PPM1B: variants seen among roughly 807,000 people sequenced by gnomAD.
PPM1B encodes protein phosphatase, Mg2+/Mn2+ dependent 1B, also known as protein phosphatase 1B.
In PPM1B, 22 loss-of-function variants were observed where a neutral mutation model predicts 43.0. The ratio of observed to expected loss-of-function variants is 0.51; its 90% CI spans 0.37 to 0.73. The LOEUF is 0.73. PPM1B is among the 30% of genes least tolerant of loss of function. PPM1B has a pLI of 0.00. For synonymous variants in PPM1B, 217 were observed against 197.9 expected, an observed-to-expected ratio of 1.10 and a Z score of -0.81; for missense variants, 632 against 584.2, an observed-to-expected ratio of 1.08 and a Z score of -0.84.
chr2:44,218,786 T>G, intron 5 of PPM1B: 1 of 453,030 alleles, frequency 2.2e-6, no homozygotes, highest in South Asian at 1.9e-5. Flanking sequence ...GTTTGGGCTG[T>G]CTTTATTTCT....
intron 3 of PPM1B, among the ~76,000 whole-genome samples, chr2:44,214,803 G>T (rs780549056): frequency 5.3e-5 from 8 of 152,282 alleles, no homozygotes; most frequent in Non-Finnish European, 7.4e-5. Context: ...AGTTCTCCTA[G>T]TCAGAAAGAA....
rs370530416 is a variant in PPM1B at position 44,214,378 on chromosome 2, T to G, written c.965-3589T>G. 1.7e-3 allele frequency among the ~76,000 whole-genome samples: 259 copies of G among 151,294 alleles called. 1 individual carries two copies. The highest frequency in any genetic ancestry group is 5.9e-3 in the African/African-American group (244 of 41,128). On this transcript the variant is annotated intron_variant, in intron 3 of 5. Transcript: ENST00000282412. ...GCCACTGCGCCCGACCCCATAGAGT[T>G]TTTTTTTTTCTTAAATAAATTGTTA... is the stretch of plus-strand genomic sequence containing the variant.
intron 5 of PPM1B, among the ~76,000 whole-genome samples, chr2:44,223,295 A>G (rs1212169021): frequency 6.6e-6 from 1 of 152,150 alleles, no homozygotes; most frequent in African/African-American, 2.4e-5. Flanking sequence ...GAAAAACAGG[A>G]TAGATTAGTC....
chr2:44,236,402 C>CAAAAAAAAAAAAAAAAAAAAAAAAAAAAA (rs61414038), downstream of PPM1B, among the ~76,000 whole-genome samples: 6 of 47,554 alleles, frequency 1.3e-4, no homozygotes, highest in Non-Finnish European at 1.6e-4. Context: ...GACTCCGTCT[C>CAAAAAAAAAAAAAAAAAAAAAAAAAAAAA]AAAAAAAAAA....
chr2:44,238,193 G>T (rs1441061851), downstream of PPM1B, among the ~76,000 whole-genome samples: 1 of 151,696 alleles, frequency 6.6e-6, no homozygotes. Flanking sequence ...GTGACCCACC[G>T]CACCCAGCCT....
chr2:44,224,656 G>A (rs1670133921), intron 5 of PPM1B, among the ~76,000 whole-genome samples: 1 of 151,226 alleles, frequency 6.6e-6, no homozygotes, highest in Admixed American at 6.6e-5. Flanking sequence ...CATCATGAGA[G>A]ATTCGACTTT....
At chr2:44,220,120 T>TA (rs1669906109) in intron 5 of PPM1B, among the ~76,000 whole-genome samples, 1 of 152,128 alleles carries the variant, frequency 6.6e-6, no homozygotes, top group South Asian at 2.1e-4. Flanking sequence ...AGCTAGATTA[T>TA]AGATTCTTCA....
chr2:44,191,130 T>C (rs1668384817), intron 1 of PPM1B, among the ~76,000 whole-genome samples: 1 of 152,236 alleles, frequency 6.6e-6, no homozygotes, highest in East Asian at 1.9e-4. Context: ...TTTTAGTGTT[T>C]ATACAACTCA....
At chr2:44,198,211 A>G (rs1668754828) in intron 1 of PPM1B, among the ~76,000 whole-genome samples, 1 of 152,168 alleles carries the variant, frequency 6.6e-6, no homozygotes, top group Non-Finnish European at 1.5e-5. Flanking sequence ...CCCAGGCTAG[A>G]GTACAGTGGC....
chr2:44,198,099 C>T (rs1668748751), intron 1 of PPM1B, among the ~76,000 whole-genome samples: 1 of 152,108 alleles, frequency 6.6e-6, no homozygotes, highest in Admixed American at 6.5e-5. Flanking sequence ...AAAAGTGTGC[C>T]AAGTGCAGTA....
chr2:44,194,868 C>T (rs1213687143), intron 1 of PPM1B, among the ~76,000 whole-genome samples: 3 of 151,024 alleles, frequency 2.0e-5, no homozygotes, highest in South Asian at 2.1e-4. Flanking sequence ...CTATAGTTCA[C>T]TCTTTGCAAG....
chr2:44,244,124 T>C (rs915534516), intron 5 of PPM1B: 2 of 454,486 alleles, frequency 4.4e-6, no homozygotes, highest in Non-Finnish European at 6.3e-6. Flanking sequence ...TTTAAATGTA[T>C]ACCTTCTTAG....
At chr2:44,232,603 C>G, downstream of PPM1B, 1 of 1,277,474 alleles carries the variant, frequency 7.8e-7, no homozygotes, top group Non-Finnish European at 9.9e-7. Context: ...ACTTTCGGCC[C>G]TAGAAACCAG....
intron 1 of PPM1B, among the ~76,000 whole-genome samples, chr2:44,192,221 G>GTATTA (rs1668440231): frequency 1.3e-5 from 2 of 150,996 alleles, no homozygotes; most frequent in African/African-American, 4.9e-5. Context: ...GTATTGTATT[G>GTATTA]TATTGTATTG....
chr2:44,209,205 C>T lies in PPM1B; in HGVS notation c.847-5C>T, dbSNP rs1264514203. ...TTTTTTTTCTTTTTTTTCTTTAATACACAGGGAAGTCGAGATAACATGAGT... is the reference window on the plus strand; with the variant it reads ...TTTTTTTTCTTTTTTTTCTTTAATATACAGGGAAGTCGAGATAACATGAGT... On this transcript the variant is annotated splice_polypyrimidine_tract_variant and splice_region_variant and intron_variant, in intron 2 of 5. Coordinates refer to ENST00000282412, the MANE Select transcript of PPM1B (RefSeq NM_002706.6). The T allele has an allele frequency of 1.9e-6, 3 of 1,565,742 alleles. No individual in the cohort carries two copies. Among genetic ancestry groups the T allele is most frequent in the African/African-American group, 1.4e-5 (1 of 72,224 alleles).
chr2:44,207,974 C>T (rs551205866), intron 2 of PPM1B, among the ~76,000 whole-genome samples: 1 of 150,488 alleles, frequency 6.6e-6, no homozygotes, highest in South Asian at 2.1e-4. Context: ...CTGCAACCTC[C>T]ACCTCCCGGG....
downstream of PPM1B, among the ~76,000 whole-genome samples, chr2:44,238,314 T>A (rs1329411672): frequency 6.6e-6 from 1 of 152,220 alleles, no homozygotes; most frequent in East Asian, 1.9e-4. Flanking sequence ...GTATAAAGCT[T>A]ATTTTAAATA....
intron 2 of PPM1B, among the ~76,000 whole-genome samples, chr2:44,207,868 T>A (rs1669263183): frequency 6.9e-6 from 1 of 145,226 alleles, no homozygotes; most frequent in Admixed American, 7.1e-5. Context: ...TAGCCATGAG[T>A]CACAGTGCCT....
intron 3 of PPM1B, chr2:44,213,768 A>G (rs1669592337): frequency 6.6e-6 from 1 of 152,214 alleles, no homozygotes; most frequent in South Asian, 2.1e-4. Context: ...GTAAGAACAC[A>G]TTGAAGATTA....
Sources: gnomAD v4.1 joint callset for allele counts (sites outside exome capture counted in the v4.1 genomes callset) on GRCh38, gnomAD v4.1.1 for gene constraint, MANE v1.5 for transcripts, NCBI Gene and HGNC (gene_info 2026-07-23, HGNC 2026-07-21) for gene names.